The following CORO2B variants were observed in gnomAD, a reference collection of about 807,000 sequenced individuals.
The protein encoded by CORO2B is coronin 2B.
Under a neutral mutation model 58.8 loss-of-function variants are expected in CORO2B, and 26 were observed. That is an observed-to-expected ratio of 0.44 (90% CI 0.32 to 0.61). The LOEUF (loss-of-function observed/expected upper bound fraction) is 0.61, where lower values mean the gene tolerates loss of function less well. Ranked by LOEUF, CORO2B falls within the 20% of genes least tolerant of loss-of-function variation. The pLI is 0.04. For missense variants in CORO2B, 460 were observed against 645.1 expected, an observed-to-expected ratio of 0.71 and a Z score of 3.11; for synonymous variants, 242 against 253.8, an observed-to-expected ratio of 0.95 and a Z score of 0.44.
the CORO2B span, among the ~76,000 whole-genome samples, chr15:68,571,223 T>G: frequency 7.9e-5 from 12 of 152,330 alleles, no homozygotes; most frequent in Admixed American, 5.2e-4. Context: ...CCACCTGTTC[T>G]GTACTCAGTA....
chr15:68,523,832 G>A, the CORO2B span, among the ~76,000 whole-genome samples: 1 of 152,202 alleles, frequency 6.6e-6, no homozygotes, highest in Middle Eastern at 3.2e-3. Context: ...CAGATATTGA[G>A]ATCTTTCAAA....
At chr15:68,535,464 G>A in the CORO2B span, among the ~76,000 whole-genome samples, 2 of 152,220 alleles carry the variant, frequency 1.3e-5, no homozygotes, top group Non-Finnish European at 2.9e-5. Flanking sequence ...GTGGTTAAAT[G>A]AGATGAAGTA....
chr15:68,577,328 G>A (rs1899307307), upstream of CORO2B, among the ~76,000 whole-genome samples: 1 of 152,158 alleles, frequency 6.6e-6, no homozygotes, highest in African/African-American at 2.4e-5. Flanking sequence ...GTGCTCTTGG[G>A]CAATTCCCTT....
chr15:68,566,852 C>T, the CORO2B span, among the ~76,000 whole-genome samples: 1 of 152,314 alleles, frequency 6.6e-6, no homozygotes, highest in South Asian at 2.1e-4. Flanking sequence ...AGCTACCAAA[C>T]ACAGCGTCAT....
chr15:68,551,123 C>T, the CORO2B span, among the ~76,000 whole-genome samples: 2 of 152,202 alleles, frequency 1.3e-5, no homozygotes, highest in African/African-American at 4.8e-5. Context: ...GAATGGAGGT[C>T]CTCGCTCAGC....
At chr15:68,536,235 T>C in the CORO2B span, among the ~76,000 whole-genome samples, 1 of 152,216 alleles carries the variant, frequency 6.6e-6, no homozygotes, top group African/African-American at 2.4e-5. Context: ...TTGATCTCCA[T>C]GTACGTTGGC....
At chr15:68,641,838 C>T (rs1027796928) in intron 1 of CORO2B, among the ~76,000 whole-genome samples, 2 of 152,114 alleles carry the variant, frequency 1.3e-5, no homozygotes, top group Non-Finnish European at 2.9e-5. Flanking sequence ...ATCCTCCCAC[C>T]TCAGCCTCCC....
intron 1 of CORO2B, chr15:68,616,549 G>A (rs1299199167): frequency 1.1e-5 from 11 of 985,306 alleles, no homozygotes; most frequent in East Asian, 2.3e-4. Flanking sequence ...GATTCAAACC[G>A]CCTGCTGGGT....
chr15:68,645,089 C>G lies in CORO2B; in HGVS notation c.16-71C>G, dbSNP rs1317304281. On this transcript the variant is annotated intron_variant, in intron 1 of 11. Transcript: ENST00000261861. The surrounding 1 kb of genome is among the most constrained non-coding windows in gnomAD (Gnocchi z 4.5). ...ACCTCTGAGCCGCAGCTTCCCTCCC[C>G]CAAGAGCCCAGCCGAGGCCCTTCAT... The G allele has an allele frequency of 8.6e-6, 13 of 1,517,630 alleles. No individual in the cohort carries two copies. The highest frequency in any genetic ancestry group is 3.8e-5 in the Admixed American group (2 of 52,040). 94.0% of individuals were successfully genotyped at this position (1,517,630 alleles called of 1,614,324 possible). A position where few individuals can be genotyped will look rare whatever the true frequency, so the allele number is the denominator to read the frequency against.
intron 2 of CORO2B, among the ~76,000 whole-genome samples, chr15:68,659,155 G>T (rs746089132): frequency 3.9e-5 from 6 of 152,220 alleles, no homozygotes; most frequent in Non-Finnish European, 8.8e-5. Context: ...AGTTCCTCCA[G>T]TAGGAGGGAA....
the CORO2B span, among the ~76,000 whole-genome samples, chr15:68,556,536 C>T: frequency 2.0e-5 from 3 of 152,282 alleles, no homozygotes; most frequent in East Asian, 1.9e-4. Context: ...CACTCAGGCC[C>T]GAGATGTGAG....
At chr15:68,703,324 T>C (rs1440473006) in intron 3 of CORO2B, among the ~76,000 whole-genome samples, 1 of 151,294 alleles carries the variant, frequency 6.6e-6, no homozygotes, top group Non-Finnish European at 1.5e-5. Context: ...TTAATTTTTG[T>C]ATTTTTAGTA....
chr15:68,562,449 AG>A, the CORO2B span, among the ~76,000 whole-genome samples: 1 of 152,206 alleles, frequency 6.6e-6, no homozygotes, highest in African/African-American at 2.4e-5. Flanking sequence ...CCCAGAGTAT[AG>A]GGCTCATGTC....
At chr15:68,587,019 C>G (rs1210786747) in intron 1 of CORO2B, among the ~76,000 whole-genome samples, 2 of 149,970 alleles carry the variant, frequency 1.3e-5, no homozygotes, top group South Asian at 2.1e-4. Flanking sequence ...GGGCCTTGGT[C>G]TTTAAAGTCA....
the CORO2B span, among the ~76,000 whole-genome samples, chr15:68,552,685 T>C: frequency 0.15 from 22,545 of 152,124 alleles, 2,064 homozygotes; most frequent in Middle Eastern, 0.24. Context: ...CTTTCCTCCC[T>C]CTTTCCCTGC....
chr15:68,611,767 C>CT (rs1475459553), intron 1 of CORO2B, among the ~76,000 whole-genome samples: 7 of 149,600 alleles, frequency 4.7e-5, no homozygotes, highest in African/African-American at 1.7e-4. Context: ...CAATTTTCCA[C>CT]TTTTTTTCTT....
chr15:68,555,770 G>A, the CORO2B span, among the ~76,000 whole-genome samples: 1 of 151,692 alleles, frequency 6.6e-6, no homozygotes, highest in East Asian at 1.9e-4. Flanking sequence ...GGGGGAAGTG[G>A]CCCCTCTCTC....
chr15:68,703,178 G>A (rs1490504808), intron 3 of CORO2B, among the ~76,000 whole-genome samples: 1 of 121,134 alleles, frequency 8.3e-6, no homozygotes, highest in Middle Eastern at 6.9e-3. Context: ...TTGAGACGGA[G>A]TCTTGCTCTG....
At chr15:68,549,982 A>AAAT in the CORO2B span, among the ~76,000 whole-genome samples, 1 of 151,222 alleles carries the variant, frequency 6.6e-6, no homozygotes, top group Non-Finnish European at 1.5e-5. Context: ...ATAAATAAAT[A>AAAT]AAGTTGCTGG....
Sources: gnomAD v4.1 joint callset for allele counts (sites outside exome capture counted in the v4.1 genomes callset) on GRCh38, gnomAD v4.1.1 for gene constraint, Gnocchi (gnomAD v3.1) non-coding constraint, MANE v1.5 for transcripts, NCBI Gene and HGNC (gene_info 2026-07-23, HGNC 2026-07-21) for gene names.